Variants in SPECC1 observed in about 807,000 individuals in gnomAD.
The protein encoded by SPECC1 is sperm antigen with calponin homology and coiled-coil domains 1, also known as cytospin-B.
SPECC1 carries 62 observed loss-of-function variants against 104.1 expected under a neutral mutation model. The observed-to-expected ratio is 0.60, with a 90% CI of 0.49 to 0.74. The LOEUF (loss-of-function observed/expected upper bound fraction) is 0.74, where lower values mean the gene tolerates loss of function less well. SPECC1 is among the 30% of genes least tolerant of loss of function. The pLI is 0.00. For missense variants in SPECC1, 1,306 were observed against 1,310.5 expected (o/e 1.00, Z 0.05); for synonymous variants, 513 against 501.6 (o/e 1.02, Z -0.30).
intron 3 of SPECC1, among the ~76,000 whole-genome samples, chr17:20,194,665 C>CTACTGTGGTGTATTTTTTTGTATT (rs1433751928): frequency 2.0e-5 from 3 of 151,636 alleles, no homozygotes; most frequent in Non-Finnish European, 4.4e-5. Flanking sequence ...GCCACCACGC[C>CTACTGTGGTGTATTTTTTTGTATT]TAGCTACTTT....
At chr17:20,097,386 A>G (rs746988354) in intron 2 of SPECC1, among the ~76,000 whole-genome samples, 2 of 152,176 alleles carry the variant, frequency 1.3e-5, no homozygotes, top group Non-Finnish European at 2.9e-5. Context: ...GAATTCATAG[A>G]CAGTAGCACC....
chr17:20,112,713 C>T (rs2048553686), intron 3 of SPECC1: 2 of 1,152,794 alleles, frequency 1.7e-6, no homozygotes, highest in African/African-American at 1.5e-5. Context: ...TTTGAGGATC[C>T]TTCCGGTCTT....
rs555707390 is a variant in SPECC1 at position 20,073,936 on chromosome 17, A to G, written c.-21-22695A>G. On this transcript the variant is annotated intron_variant, in intron 1 of 14. Transcript: ENST00000395527. ...CCCACCTTTTGACGTGTTGAAAGAA[A>G]ATGATCTTTTCTCACTTGTTTTATC... Among the ~76,000 whole-genome samples the G allele has an allele frequency of 2.0e-4, 31 of 152,342 alleles. 1 individual carries two copies. Among genetic ancestry groups the G allele is most frequent in the Middle Eastern group, 3.4e-3 (1 of 294 alleles).
At position 20,314,829 on chromosome 17, in the gene SPECC1, C is replaced by G. The variant is rs2042018908; in HGVS notation, c.*764C>G. 1 of 231,658 alleles carries G rather than the reference C, an allele frequency of 4.3e-6. No individual in the cohort carries two copies. The highest frequency in any genetic ancestry group is 8.5e-6 in the Non-Finnish European group (1 of 117,142). The allele number at this position is 231,658 out of a possible 1,614,324, so 14.4% of individuals were successfully genotyped here. On this transcript the variant is annotated 3_prime_UTR_variant, in exon 15 of 15. Transcript: ENST00000395527. ...CAATGTTAACACCTGGAACTTGATT[C>G]ACTTTTAGCTCTCACCATCCCTTAT...
At chr17:20,240,033 A>G (rs1419681433) in intron 7 of SPECC1, among the ~76,000 whole-genome samples, 23 of 133,998 alleles carry the variant, frequency 1.7e-4, no homozygotes, top group African/African-American at 5.9e-4. Flanking sequence ...AGCTGGGACT[A>G]CAGGGGCACA....
At chr17:20,265,551 ACT>A (rs2040190275) in intron 12 of SPECC1, among the ~76,000 whole-genome samples, 1 of 151,782 alleles carries the variant, frequency 6.6e-6, no homozygotes, top group Admixed American at 6.6e-5. Context: ...TTGTCTGTTA[ACT>A]CTGTTGATAG....
At chr17:20,174,713 AT>A (rs1214733006) in intron 3 of SPECC1, among the ~76,000 whole-genome samples, 1 of 151,750 alleles carries the variant, frequency 6.6e-6, no homozygotes, top group Non-Finnish European at 1.5e-5. Context: ...CTCACCGAGT[AT>A]TTTCTTCTTT....
intron 2 of SPECC1, among the ~76,000 whole-genome samples, chr17:20,108,680 G>A (rs1048675869): frequency 8.5e-5 from 13 of 152,182 alleles, no homozygotes; most frequent in Non-Finnish European, 1.3e-4. Flanking sequence ...CCTATTTGCT[G>A]TGTGGTTCTC....
chr17:20,164,859 G>A (rs983434618), intron 3 of SPECC1, among the ~76,000 whole-genome samples: 1 of 152,042 alleles, frequency 6.6e-6, no homozygotes, highest in Non-Finnish European at 1.5e-5. Flanking sequence ...ACCCCCATTC[G>A]AACGGCCATA....
intron 12 of SPECC1, among the ~76,000 whole-genome samples, chr17:20,278,852 C>T (rs1306419284): frequency 1.3e-5 from 2 of 152,104 alleles, no homozygotes; most frequent in Admixed American, 1.3e-4. Context: ...AGATGTTTTG[C>T]CAGCTTCAGG....
chr17:20,271,452 A>G (rs1407900146), intron 12 of SPECC1, among the ~76,000 whole-genome samples: 2 of 151,888 alleles, frequency 1.3e-5, no homozygotes, highest in African/African-American at 4.8e-5. Context: ...ATGTAGTAGT[A>G]TACACTGCTG....
intron 3 of SPECC1, among the ~76,000 whole-genome samples, chr17:20,116,338 T>G (rs2048754858): frequency 6.6e-6 from 1 of 152,192 alleles, no homozygotes; most frequent in Non-Finnish European, 1.5e-5. Context: ...TCCACCCACC[T>G]TGGCCTCCCA....
At chr17:20,240,687 T>C (rs1191647677) in intron 7 of SPECC1, among the ~76,000 whole-genome samples, 1 of 152,242 alleles carries the variant, frequency 6.6e-6, no homozygotes, top group Non-Finnish European at 1.5e-5. Context: ...ACATGGTTTA[T>C]GTCATCCACA....
chr17:20,206,629 G>A (rs545755842), intron 4 of SPECC1, among the ~76,000 whole-genome samples: 8 of 151,992 alleles, frequency 5.3e-5, no homozygotes, highest in African/African-American at 1.2e-4. Flanking sequence ...TACATGTATT[G>A]TCAAACATTT....
At chr17:20,300,373 T>G (rs2041528538) in intron 13 of SPECC1, among the ~76,000 whole-genome samples, 1 of 152,214 alleles carries the variant, frequency 6.6e-6, no homozygotes, top group South Asian at 2.1e-4. Flanking sequence ...AGTGTCTGCT[T>G]TTCTGATACG....
chr17:20,066,709 T>C (rs938699562), intron 1 of SPECC1, among the ~76,000 whole-genome samples: 2 of 151,980 alleles, frequency 1.3e-5, no homozygotes, highest in African/African-American at 4.8e-5. Context: ...ACAAATAGAG[T>C]CTGATACTGT....
chr17:20,283,827 G>A (rs1411951733), intron 12 of SPECC1, among the ~76,000 whole-genome samples: 1 of 152,074 alleles, frequency 6.6e-6, no homozygotes, highest in African/African-American at 2.4e-5. Flanking sequence ...GGCCTCGAGC[G>A]ATCCACTTGC....
intron 3 of SPECC1, chr17:20,156,038 G>T (rs981207763): frequency 3.1e-6 from 4 of 1,276,578 alleles, no homozygotes; most frequent in East Asian, 6.3e-5. Context: ...CAGCGGCTCC[G>T]CCGGCAGCTG....
chr17:20,257,387 G>T, intron 10 of SPECC1, 64 bp from the exon 11 acceptor site: 1 of 1,496,118 alleles, frequency 6.7e-7, no homozygotes, highest in South Asian at 1.4e-5. Flanking sequence ...ATTTGAGAAT[G>T]AAGTATGATG....
Sources: gnomAD v4.1 joint callset for allele counts (sites outside exome capture counted in the v4.1 genomes callset) on GRCh38, gnomAD v4.1.1 for gene constraint, MANE v1.5 for transcripts, NCBI Gene and HGNC (gene_info 2026-07-23, HGNC 2026-07-21) for gene names.